RNF150: variants seen among roughly 807,000 people sequenced by gnomAD.
The protein encoded by RNF150 is ring finger protein 150.
A neutral mutation model predicts 39.3 loss-of-function variants in RNF150; 24 were observed. The observed-to-expected ratio is 0.61, with a 90% CI of 0.44 to 0.86. The LOEUF is 0.86. Ranked by LOEUF, RNF150 falls within the 40% of genes least tolerant of loss-of-function variation. The probability of loss-of-function intolerance (pLI) is 0.00; values close to 1 mark genes in which losing one functional copy is unlikely to be tolerated. For synonymous variants in RNF150, 255 were observed against 227.3 expected (o/e 1.12, Z -1.10); for missense variants, 502 against 587.8 (o/e 0.85, Z 1.51).
At chr4:140,945,139 A>C (rs1732234648) in intron 4 of RNF150, among the ~76,000 whole-genome samples, 1 of 152,248 alleles carries the variant, frequency 6.6e-6, no homozygotes, top group African/African-American at 2.4e-5. Context: ...GTAGATGGAC[A>C]GTAAGGAATA....
intron 1 of RNF150, among the ~76,000 whole-genome samples, chr4:141,197,103 T>C (rs1728213528): frequency 6.6e-6 from 1 of 152,234 alleles, no homozygotes; most frequent in Non-Finnish European, 1.5e-5. Flanking sequence ...TCCTTTTATC[T>C]GAGTTGTAGC....
In RNF150 at chr4:140,999,971, A is replaced by C. The variant is rs1380906758; in HGVS notation, c.485-32098T>G. 4.4e-4 allele frequency among the ~76,000 whole-genome samples: 13 copies of C among 29,596 alleles called. 2 individuals are homozygous for C. The Admixed American group carries it at 6.4e-3, about 15-fold the overall frequency. The allele number at this position is 29,596 out of a possible 152,430, so 19.4% of individuals were successfully genotyped here. ...AAGAAGAAGAAGAAGAAGAAGAAGA[A>C]GAAGAAAAGAAGAAAAGAAGAAAAG... On this transcript the variant is annotated intron_variant, in intron 1 of 6. Coordinates refer to ENST00000515673, the MANE Select transcript of RNF150 (RefSeq NM_020724.2).
intron 1 of RNF150, among the ~76,000 whole-genome samples, chr4:141,096,878 G>GTAT (rs1738807063): frequency 6.6e-6 from 1 of 152,184 alleles, no homozygotes; most frequent in Non-Finnish European, 1.5e-5. Flanking sequence ...CACCAGTGTT[G>GTAT]TATTTCTTTT....
At chr4:141,147,080 G>A (rs1200349618) in intron 1 of RNF150, among the ~76,000 whole-genome samples, 2 of 152,092 alleles carry the variant, frequency 1.3e-5, no homozygotes, top group Non-Finnish European at 2.9e-5. Flanking sequence ...TCAGCATCCC[G>A]AGTAGCTGGG....
Position 141,091,766 on chromosome 4 carries a change from A to G in RNF150, c.484+40559T>C, listed in dbSNP as rs187897238. On this transcript the variant is annotated intron_variant, in intron 1 of 6. Transcript: ENST00000515673. Reference sequence around the variant, plus strand: ...ATACATTCAATTTCTCAGACATCCTATAAGACAGACCCACTGACTCATATG... The same window carrying G: ...ATACATTCAATTTCTCAGACATCCTGTAAGACAGACCCACTGACTCATATG... 2.0e-3 allele frequency among the ~76,000 whole-genome samples: 305 copies of G among 152,302 alleles called. 2 individuals are homozygous for G. Among genetic ancestry groups the G allele is most frequent in the Middle Eastern group, 3.4e-3 (1 of 294 alleles).
chr4:141,029,340 A>T (rs903198513), intron 1 of RNF150, among the ~76,000 whole-genome samples: 1 of 152,158 alleles, frequency 6.6e-6, no homozygotes, highest in Non-Finnish European at 1.5e-5. Context: ...TTCAAGAATC[A>T]TGGGAAACCA....
intron 5 of RNF150, among the ~76,000 whole-genome samples, chr4:140,915,386 T>C (rs540979794): frequency 6.6e-6 from 1 of 152,306 alleles, no homozygotes; most frequent in East Asian, 1.9e-4. Context: ...GGAGAAGTCA[T>C]CTTGCTGATA....
intron 1 of RNF150, among the ~76,000 whole-genome samples, chr4:141,087,791 A>C (rs62324864): frequency 1.6e-3 from 239 of 152,310 alleles, no homozygotes; most frequent in Non-Finnish European, 2.9e-3. Flanking sequence ...ATGTGTCTGT[A>C]ATGAGGGTAG....
intron 5 of RNF150, among the ~76,000 whole-genome samples, chr4:140,912,969 A>ATT (rs1578957315): frequency 1.3e-5 from 2 of 151,084 alleles, no homozygotes; most frequent in South Asian, 2.1e-4. Context: ...TAAAAAAAAA[A>ATT]AAAAAAAAAA....
intron 2 of RNF150, among the ~76,000 whole-genome samples, chr4:140,957,341 C>T (rs1174889060): frequency 2.2e-4 from 33 of 150,590 alleles, no homozygotes; most frequent in Non-Finnish European, 3.6e-4. Context: ...CAAATCAAAA[C>T]CACAATGAGA....
At chr4:140,980,881 GTTAT>G (rs993696163) in intron 1 of RNF150, among the ~76,000 whole-genome samples, 2 of 152,072 alleles carry the variant, frequency 1.3e-5, no homozygotes, top group Non-Finnish European at 1.5e-5. Flanking sequence ...AAAATTTTTG[GTTAT>G]TTGTTTGGCA....
chr4:140,894,518 C>G (rs1729868828), intron 6 of RNF150, among the ~76,000 whole-genome samples: 1 of 152,186 alleles, frequency 6.6e-6, no homozygotes. Context: ...GAGCCCCATC[C>G]CCCACTTTTT....
intron 1 of RNF150, among the ~76,000 whole-genome samples, chr4:141,140,165 T>A (rs1291761402): frequency 6.6e-6 from 1 of 152,250 alleles, no homozygotes; most frequent in East Asian, 1.9e-4. Flanking sequence ...GAAACGTTTT[T>A]TTAGAGAGTA....
At chr4:141,092,214 G>A (rs1738607743) in intron 1 of RNF150, among the ~76,000 whole-genome samples, 1 of 151,946 alleles carries the variant, frequency 6.6e-6, no homozygotes, top group Non-Finnish European at 1.5e-5. Context: ...CATGGTGGTG[G>A]TGCCTGTAAT....
At chr4:140,992,982 A>T (rs1167945142) in intron 1 of RNF150, among the ~76,000 whole-genome samples, 1 of 151,962 alleles carries the variant, frequency 6.6e-6, no homozygotes, top group African/African-American at 2.4e-5. Context: ...TCTCCTCCCC[A>T]GGATCCACAG....
At chr4:140,957,470 A>G (rs967291498) in intron 2 of RNF150, among the ~76,000 whole-genome samples, 7 of 152,224 alleles carry the variant, frequency 4.6e-5, no homozygotes, top group African/African-American at 1.7e-4. Context: ...AAACTGGTTC[A>G]ACCATTGTGG....
Position 141,026,375 on chromosome 4 carries a change from G to A in RNF150, c.485-58502C>T, listed in dbSNP as rs141855718. ...GAACCTTCAGGCAAGGATTAACAAC[G>A]AATCTTATAGCAGTGCTATTGAATA... On this transcript the variant is annotated intron_variant, in intron 1 of 6. Coordinates refer to ENST00000515673, the MANE Select transcript of RNF150 (RefSeq NM_020724.2). Among the ~76,000 whole-genome samples, 539 of 152,266 alleles carry A rather than the reference G, an allele frequency of 3.5e-3. 2 individuals carry two copies. The highest frequency in any genetic ancestry group is 0.012 in the African/African-American group (490 of 41,556).
Position 140,974,913 on chromosome 4 carries a change from T to TC in RNF150, c.485-7041dup, listed in dbSNP as rs1388516414. 9.8e-5 allele frequency among the ~76,000 whole-genome samples: 15 copies of TC among 152,292 alleles called. No homozygotes were observed. In the South Asian group the frequency reaches 2.9e-3, roughly 29 times the overall value. On this transcript the variant is annotated intron_variant, in intron 1 of 6. Transcript: ENST00000515673. ...GGGTCCGCTAATACATGGATTTTTTTCAATGATATAATTGGCCCTTTGATC... is the reference window on the plus strand; with the variant it reads ...GGGTCCGCTAATACATGGATTTTTTTCCAATGATATAATTGGCCCTTTGATC...
intron 1 of RNF150, among the ~76,000 whole-genome samples, chr4:141,060,043 A>G (rs1439229931): frequency 6.6e-6 from 1 of 152,240 alleles, no homozygotes; most frequent in African/African-American, 2.4e-5. Flanking sequence ...CAGCCATCAA[A>G]TATTATTTCT....
Sources: gnomAD v4.1 joint callset for allele counts (sites outside exome capture counted in the v4.1 genomes callset) on GRCh38, gnomAD v4.1.1 for gene constraint, MANE v1.5 for transcripts, NCBI Gene and HGNC (gene_info 2026-07-23, HGNC 2026-07-21) for gene names.